Variants in SLC30A8 observed in about 807,000 individuals in gnomAD.
The protein encoded by SLC30A8 is solute carrier family 30 member 8, also known as proton-coupled zinc antiporter SLC30A8.
Under a neutral mutation model 36.9 loss-of-function variants are expected in SLC30A8, and 27 were observed. The ratio of observed to expected loss-of-function variants is 0.73; its 90% CI spans 0.54 to 1.01. The LOEUF (loss-of-function observed/expected upper bound fraction) is 1.01. Among genes scored for constraint, SLC30A8 ranks in the 50% least tolerant of loss-of-function variants. The pLI is 0.00. For synonymous variants in SLC30A8, 164 were observed against 172.4 expected (o/e 0.95, Z 0.38); for missense variants, 439 against 452.0 (o/e 0.97, Z 0.26).
chr8:116,999,503 A>AAAC (rs981176779), intron 1 of SLC30A8, among the ~76,000 whole-genome samples: 1 of 152,212 alleles, frequency 6.6e-6, no homozygotes, highest in African/African-American at 2.4e-5. Flanking sequence ...GTCCAAGCCC[A>AAAC]AACCAAAAGG....
intron 1 of SLC30A8, among the ~76,000 whole-genome samples, chr8:116,980,631 A>G (rs115206763): frequency 0.012 from 1,759 of 152,322 alleles, 34 homozygotes; most frequent in African/African-American, 0.039. Flanking sequence ...TTTATCAGCC[A>G]ACACACACAG....
intron 1 of SLC30A8, among the ~76,000 whole-genome samples, chr8:117,015,865 C>T (rs1212069293): frequency 6.6e-6 from 1 of 152,102 alleles, no homozygotes; most frequent in Non-Finnish European, 1.5e-5. Context: ...CAACCTGGTA[C>T]ATTGGGGAGA....
intron 2 of SLC30A8, among the ~76,000 whole-genome samples, chr8:117,082,085 A>G (rs1002138109): frequency 3.3e-5 from 5 of 152,204 alleles, no homozygotes. Flanking sequence ...CTATTCTTCA[A>G]TAGACTTATT....
At chr8:117,028,939 C>T (rs1316450571) in intron 1 of SLC30A8, among the ~76,000 whole-genome samples, 5 of 152,074 alleles carry the variant, frequency 3.3e-5, no homozygotes, top group African/African-American at 4.8e-5. Context: ...TGACATATTA[C>T]TTCTTAATGA....
At position 117,158,710 on chromosome 8, in the gene SLC30A8, T is replaced by G. The variant is rs529154754; in HGVS notation, c.572+866T>G. On this transcript the variant is annotated intron_variant, in intron 4 of 7. Transcript: ENST00000456015. ...GGTTTTGAGGCCAGGACTTTGATTTTTTTGAGTCAAATTTCTCCTTCCCAT... is the reference window on the plus strand; with the variant it reads ...GGTTTTGAGGCCAGGACTTTGATTTGTTTGAGTCAAATTTCTCCTTCCCAT... 6.6e-5 allele frequency among the ~76,000 whole-genome samples: 10 copies of G among 152,342 alleles called. No individual in the cohort carries two copies. In the South Asian group the frequency reaches 1.9e-3, roughly 28 times the overall value.
rs145302539 is a variant in SLC30A8 at position 117,056,724 on chromosome 8, TA to T, written c.-226+17467del. Among the ~76,000 whole-genome samples the T allele has an allele frequency of 2.1e-3, 314 of 152,286 alleles. 3 individuals carry two copies. Among genetic ancestry groups the T allele is most frequent in the African/African-American group, 7.2e-3 (298 of 41,578 alleles). ...GGGGACAGAGAAGCAACAGACCACT[TA>T]TAAGCCCTTTGGGGAAAATAAAATT... is the stretch of plus-strand genomic sequence containing the variant. On this transcript the variant is annotated intron_variant, in intron 2 of 10. Coordinates refer to the SLC30A8 transcript ENST00000427715.
intron 1 of SLC30A8, among the ~76,000 whole-genome samples, chr8:116,978,160 A>G (rs1197540828): frequency 6.6e-6 from 1 of 152,158 alleles, no homozygotes; most frequent in Non-Finnish European, 1.5e-5. Context: ...AGTACTCAAC[A>G]TAAAAGTCCT....
At chr8:117,043,754 C>G (rs896468730) in intron 2 of SLC30A8, among the ~76,000 whole-genome samples, 1 of 152,108 alleles carries the variant, frequency 6.6e-6, no homozygotes, top group Non-Finnish European at 1.5e-5. Context: ...CCCACCACCA[C>G]CCTGGGTTGA....
At chr8:117,170,992 C>A in intron 6 of SLC30A8, 42 bp from the exon 7 acceptor site, 1 of 1,525,948 alleles carries the variant, frequency 6.6e-7, no homozygotes, top group Non-Finnish European at 8.8e-7. Flanking sequence ...TGAGCTGTAT[C>A]TAGTTGAATA....
intron 1 of SLC30A8, among the ~76,000 whole-genome samples, chr8:117,035,347 A>G (rs957906501): frequency 1.3e-5 from 2 of 152,356 alleles, no homozygotes; most frequent in Admixed American, 1.3e-4. Context: ...GTCAAAACAA[A>G]GGGGCTGTAG....
chr8:117,107,853 T>TGTAATAC (rs1199648773), intron 2 of SLC30A8, among the ~76,000 whole-genome samples: 12 of 152,146 alleles, frequency 7.9e-5, no homozygotes, highest in African/African-American at 1.4e-4. Context: ...ACTATTTTAT[T>TGTAATAC]TTTATGGCAA....
chr8:117,116,442 T>C (rs1490407987), intron 2 of SLC30A8, among the ~76,000 whole-genome samples: 1 of 152,058 alleles, frequency 6.6e-6, no homozygotes. Context: ...ATTGTGTGAC[T>C]CCTGTTCATA....
At chr8:117,131,083 G>GAAAT (rs1351907739), upstream of SLC30A8, among the ~76,000 whole-genome samples, 1 of 151,704 alleles carries the variant, frequency 6.6e-6, no homozygotes, top group Admixed American at 6.6e-5. Context: ...TTGAAAAATA[G>GAAAT]AAATAGTAAA....
chr8:116,995,985 G>A (rs7823399), intron 1 of SLC30A8, among the ~76,000 whole-genome samples: 34 of 152,244 alleles, frequency 2.2e-4, no homozygotes, highest in African/African-American at 6.7e-4. Flanking sequence ...TAAAATCCCC[G>A]GTAAGCCTTT....
intron 1 of SLC30A8, among the ~76,000 whole-genome samples, chr8:116,956,485 A>G (rs1314344104): frequency 6.6e-6 from 1 of 152,250 alleles, no homozygotes; most frequent in Non-Finnish European, 1.5e-5. Flanking sequence ...TCTATACTAT[A>G]GTAAAAACTT....
At chr8:117,055,504 G>C (rs990569884) in intron 2 of SLC30A8, among the ~76,000 whole-genome samples, 1 of 152,190 alleles carries the variant, frequency 6.6e-6, no homozygotes, top group African/African-American at 2.4e-5. Context: ...CCCTTCTCCA[G>C]CTCCTTGGAT....
At chr8:116,984,526 C>T (rs1438528882) in intron 1 of SLC30A8, among the ~76,000 whole-genome samples, 2 of 152,042 alleles carry the variant, frequency 1.3e-5, no homozygotes, top group African/African-American at 4.8e-5. Flanking sequence ...AATGATGTCT[C>T]ATTGGGGTTT....
rs1490732868 is a variant in SLC30A8 at position 116,993,828 on chromosome 8, GTAAT to G, written c.-266+42710_-266+42713del. Among the ~76,000 whole-genome samples, 62 of 151,804 alleles carry G rather than the reference GTAAT, an allele frequency of 4.1e-4. 1 individual carries two copies. The highest frequency in any genetic ancestry group is 1.3e-3 in the African/African-American group (54 of 41,242). ...GAAAGACAAAGTAAGGAGAATAACA[GTAAT>G]AAATAATAATACAAAATTCATAAAG... On this transcript the variant is annotated intron_variant, in intron 1 of 10. Transcript: ENST00000427715.
intron 1 of SLC30A8, among the ~76,000 whole-genome samples, chr8:117,019,544 C>CT (rs879817085): frequency 4.6e-5 from 7 of 152,174 alleles, no homozygotes; most frequent in Non-Finnish European, 1.0e-4. Context: ...TCTTTAAACA[C>CT]ACATTTGTCT....
Sources: allele counts gnomAD v4.1 joint callset (sites outside exome capture counted in the v4.1 genomes callset), GRCh38; gene constraint gnomAD v4.1.1; transcripts MANE v1.5; gene names NCBI Gene and HGNC (gene_info 2026-07-23, HGNC 2026-07-21).